Variants in PLXNA4 observed in about 807,000 individuals in gnomAD.
PLXNA4 encodes the protein plexin-A4.
PLXNA4 carries 44 observed loss-of-function variants against 191.8 expected under a neutral mutation model. That is an observed-to-expected ratio of 0.23 (90% CI 0.18 to 0.29). The LOEUF (loss-of-function observed/expected upper bound fraction) is 0.29, where lower values mean the gene tolerates loss of function less well. Ranked by LOEUF, PLXNA4 falls within the 10% of genes least tolerant of loss-of-function variation. The pLI is 1.00. For missense variants in PLXNA4, 1,800 were observed against 2,488.8 expected, an observed-to-expected ratio of 0.72 and a Z score of 5.89; for synonymous variants, 1,082 against 1,009.5, an observed-to-expected ratio of 1.07 and a Z score of -1.36.
intron 4 of PLXNA4, among the ~76,000 whole-genome samples, chr7:132,295,172 T>C (rs1584955674): frequency 6.6e-6 from 1 of 152,178 alleles, no homozygotes; most frequent in Admixed American, 6.5e-5. Context: ...ATGAGGGCAC[T>C]GGGGACTCAT....
At chr7:132,317,186 A>G (rs972308194) in intron 3 of PLXNA4, among the ~76,000 whole-genome samples, 2 of 151,848 alleles carry the variant, frequency 1.3e-5, no homozygotes, top group African/African-American at 4.8e-5. Flanking sequence ...GTGTTGGATT[A>G]AATGTAATTG....
At chr7:132,620,922 T>C (rs1803247517) in intron 2 of PLXNA4, among the ~76,000 whole-genome samples, 1 of 152,190 alleles carries the variant, frequency 6.6e-6, no homozygotes, top group Non-Finnish European at 1.5e-5. Flanking sequence ...TAGTATCCAG[T>C]AAAGGCCTGC....
chr7:132,380,106 CA>C (rs1310038651), intron 3 of PLXNA4, among the ~76,000 whole-genome samples: 1 of 152,194 alleles, frequency 6.6e-6, no homozygotes, highest in Non-Finnish European at 1.5e-5. Flanking sequence ...AAACTGGCCC[CA>C]TATGGGATTC....
intron 18 of PLXNA4, 56 bp from the exon 19 acceptor site, chr7:132,180,788 G>C (rs1362693307): frequency 6.3e-7 from 1 of 1,580,488 alleles, no homozygotes; most frequent in African/African-American, 1.3e-5. Context: ...ACAGCTACCA[G>C]CTGGCTCTCA....
At chr7:132,570,804 G>A (rs372913823) in intron 1 of PLXNA4, among the ~76,000 whole-genome samples, 3 of 152,174 alleles carry the variant, frequency 2.0e-5, no homozygotes, top group Admixed American at 2.0e-4. Flanking sequence ...TTGCTGTTGC[G>A]AATCCTGGTT....
At chr7:132,609,252 C>T (rs975626209) in intron 2 of PLXNA4, among the ~76,000 whole-genome samples, 3 of 152,174 alleles carry the variant, frequency 2.0e-5, no homozygotes, top group Non-Finnish European at 4.4e-5. Context: ...CAGTGCCTGA[C>T]ATTGAGTAGG....
chr7:132,160,696 T>C (rs1175829317), intron 24 of PLXNA4, among the ~76,000 whole-genome samples: 1 of 152,184 alleles, frequency 6.6e-6, no homozygotes, highest in African/African-American at 2.4e-5. Context: ...GAGAGCCCTC[T>C]GTGTGTCTCT....
At chr7:132,332,180 G>A (rs1802614694) in intron 3 of PLXNA4, among the ~76,000 whole-genome samples, 1 of 152,142 alleles carries the variant, frequency 6.6e-6, no homozygotes, top group African/African-American at 2.4e-5. Flanking sequence ...AGGAACCCAT[G>A]GTGCCCACGT....
In PLXNA4 at chr7:132,450,509, C is replaced by T. The variant is rs78199472; in HGVS notation, c.1371+38783G>A. Among the ~76,000 whole-genome samples, 576 of 152,298 alleles carry T rather than the reference C, an allele frequency of 3.8e-3. 8 individuals carry two copies. The highest frequency in any genetic ancestry group is 0.013 in the African/African-American group (556 of 41,544). On this transcript the variant is annotated intron_variant, in intron 3 of 31. Coordinates refer to ENST00000321063, the MANE Select transcript of PLXNA4 (RefSeq NM_020911.2). ...AGAAAGCTCTAAGAGCCATTAATCT[C>T]ATTACTGTTCTATCAGCAGCCAGTG...
intron 9 of PLXNA4, among the ~76,000 whole-genome samples, chr7:132,214,198 C>T (rs983698735): frequency 1.2e-4 from 18 of 152,118 alleles, no homozygotes; most frequent in African/African-American, 4.1e-4. Context: ...TGAAACCCTC[C>T]GGAGCTGGGC....
intron 4 of PLXNA4, among the ~76,000 whole-genome samples, chr7:132,271,787 A>T (rs1329433899): frequency 2.6e-5 from 4 of 152,216 alleles, no homozygotes; most frequent in Non-Finnish European, 5.9e-5. Flanking sequence ...TTCATTGGAA[A>T]AACCAGATTA....
At position 132,179,835 on chromosome 7, in the gene PLXNA4, G is replaced by A. The variant is rs750021008; in HGVS notation, c.3726C>T (p.Ile1242=). The A allele has an allele frequency of 4.3e-6, 7 of 1,613,350 alleles. No individual in the cohort carries two copies. Among genetic ancestry groups the A allele is most frequent in the South Asian group, 3.3e-5 (3 of 90,990 alleles). The part of the protein sequence containing the change: ...SPLSLPAIVS[I]AVAGGLLIIF... ...TGATGAGGAGGCCGCCAGCCACTGC[G>A]ATGCTGACGATGGCGGGCAGGCTGA... is the stretch of plus-strand genomic sequence containing the variant. The change falls in exon 20 of 32, where the codon ATC becomes ATT. Residue 1242 remains isoleucine, a synonymous_variant. Coordinates refer to ENST00000321063, the MANE Select transcript of PLXNA4 (RefSeq NM_020911.2).
upstream of PLXNA4, among the ~76,000 whole-genome samples, chr7:132,577,875 A>G (rs1485273195): frequency 1.3e-5 from 2 of 151,870 alleles, no homozygotes; most frequent in Admixed American, 1.3e-4. Context: ...TCACCCCCAC[A>G]TGGCACCCAA....
At chr7:132,529,840 C>T (rs960700062) in intron 1 of PLXNA4, among the ~76,000 whole-genome samples, 5 of 152,100 alleles carry the variant, frequency 3.3e-5, no homozygotes, top group Non-Finnish European at 5.9e-5. Context: ...CTCCAGACCT[C>T]GTGATCCGCC....
intron 4 of PLXNA4, among the ~76,000 whole-genome samples, chr7:132,288,244 G>A (rs530817648): frequency 1.1e-4 from 17 of 152,256 alleles, no homozygotes; most frequent in Middle Eastern, 3.4e-3. Flanking sequence ...AGCCAGTAGC[G>A]TTTTCCAGGC....
intron 3 of PLXNA4, among the ~76,000 whole-genome samples, chr7:132,382,697 T>TA (rs1804945932): frequency 6.6e-6 from 1 of 152,232 alleles, no homozygotes; most frequent in African/African-American, 2.4e-5. Flanking sequence ...TCAGCAATGA[T>TA]ACGCTGCCCT....
chr7:132,604,564 C>T (rs1802887670), intron 2 of PLXNA4, among the ~76,000 whole-genome samples: 1 of 152,110 alleles, frequency 6.6e-6, no homozygotes, highest in South Asian at 2.1e-4. Context: ...TTTCAATAAA[C>T]AGTAAACATC....
At chr7:132,284,564 A>G (rs1800611869) in intron 4 of PLXNA4, among the ~76,000 whole-genome samples, 2 of 152,220 alleles carry the variant, frequency 1.3e-5, no homozygotes, top group Middle Eastern at 3.4e-3. Context: ...CGTCTCAGGG[A>G]AGGGGGTTGG....
intron 4 of PLXNA4, 145 bp from the exon 5 acceptor site, chr7:132,241,311 G>A: frequency 1.7e-6 from 1 of 572,860 alleles, no homozygotes. Context: ...TGTGGGAAGG[G>A]AACTTGAGTG....
Sources: allele counts gnomAD v4.1 joint callset (sites outside exome capture counted in the v4.1 genomes callset), GRCh38; gene constraint gnomAD v4.1.1; transcripts MANE v1.5; gene names NCBI Gene and HGNC (gene_info 2026-07-23, HGNC 2026-07-21).